Variants in BRDT observed in about 807,000 individuals in gnomAD.
The protein encoded by BRDT is bromodomain testis-specific protein.
Under a neutral mutation model 113.9 loss-of-function variants are expected in BRDT, and 77 were observed. The observed-to-expected ratio is 0.68, with a 90% CI of 0.56 to 0.82. BRDT has a LOEUF of 0.82. Ranked by LOEUF, BRDT falls within the 40% of genes least tolerant of loss-of-function variation. The pLI, the probability that BRDT is intolerant of heterozygous loss-of-function variation, is 0.00. For synonymous variants in BRDT, 358 were observed against 366.5 expected (o/e 0.98, Z 0.26); for missense variants, 1,027 against 1,105.4 (o/e 0.93, Z 1.01).
At chr1:92,007,214 G>C (rs75071996) in intron 18 of BRDT, among the ~76,000 whole-genome samples, 1 of 150,704 alleles carries the variant, frequency 6.6e-6, no homozygotes, top group Non-Finnish European at 1.5e-5. Flanking sequence ...TTTTCTGCCC[G>C]TTTTTGTATT....
intron 1 of BRDT, among the ~76,000 whole-genome samples, chr1:91,959,024 G>A (rs1254914072): frequency 6.6e-6 from 1 of 152,092 alleles, no homozygotes; most frequent in Non-Finnish European, 1.5e-5. Context: ...ACTCCAGCCT[G>A]GGAGACAGTA....
Position 92,012,289 on chromosome 1 carries a change from C to T in BRDT, c.2776-1917C>T, listed in dbSNP as rs1262103598. Among the ~76,000 whole-genome samples the T allele has an allele frequency of 2.8e-5, 4 of 144,074 alleles. No homozygotes were observed. In the East Asian group the frequency reaches 6.0e-4, roughly 22 times the overall value. 94.5% of individuals were successfully genotyped at this position (144,074 alleles called of 152,430 possible). On this transcript the variant is annotated intron_variant, in intron 18 of 18. Transcript: ENST00000399546. ...TCCAGCCTGGGCAACAAGAGCAAAACTCCATCTAGAAAAAAAAAAAAAAAA... is the reference window on the plus strand; with the variant it reads ...TCCAGCCTGGGCAACAAGAGCAAAATTCCATCTAGAAAAAAAAAAAAAAAA...
chr1:91,980,505 A>T, intron 8 of BRDT, 138 bp from the exon 9 acceptor site: 2 of 736,740 alleles, frequency 2.7e-6, no homozygotes, highest in Non-Finnish European at 3.9e-6. Flanking sequence ...TTGTGAAATT[A>T]AATAAAAACT....
intron 1 of BRDT, among the ~76,000 whole-genome samples, chr1:91,953,180 A>T (rs17131587): frequency 0.066 from 9,982 of 151,246 alleles, 387 homozygotes; most frequent in African/African-American, 0.094. Flanking sequence ...GTTTGCAGAA[A>T]CTATTTTCTC....
At position 91,977,212 on chromosome 1, in the gene BRDT, T is replaced by C; in HGVS notation, c.788T>C (p.Val263Ala). The C allele has an allele frequency of 1.2e-6, 2 of 1,614,036 alleles. No individual in the cohort carries two copies. Among genetic ancestry groups the C allele is most frequent in the Non-Finnish European group, 1.7e-6 (2 of 1,179,974 alleles). The stretch of plus-strand genomic sequence containing the variant: ...CCAGATTCTCAGCAACAATATAATG[T>C]TGTGAAGACTGTTAAAGTAACTGAA... ...VLPDSQQQYN[V>A]VKTVKVTEQL... The change falls in exon 6 of 19, where the codon GTT becomes GCT. Residue 263 changes from valine (V) to alanine (A), a missense_variant. By Grantham distance (64) the Val-to-Ala change is moderately conservative. Coordinates refer to ENST00000399546, the MANE Select transcript of BRDT (RefSeq NM_207189.4).
At position 91,981,089 on chromosome 1, in the gene BRDT, T is replaced by G; in HGVS notation, c.1661T>G (p.Ile554Arg). 1.2e-6 allele frequency: 2 copies of G among 1,614,068 alleles called. No individual in the cohort carries two copies. The highest frequency in any genetic ancestry group is 1.7e-6 in the Non-Finnish European group (2 of 1,179,964). ...LSNSNPDEIE[I>R]DFETLKASTL... ...AATTCCAATCCTGATGAGATAGAGATAGACTTTGAAACACTGAAAGCATCA... is the reference window on the plus strand; with the variant it reads ...AATTCCAATCCTGATGAGATAGAGAGAGACTTTGAAACACTGAAAGCATCA... Residue 554 changes from isoleucine to arginine, a missense_variant, in exon 10 of 19, where the codon ATA becomes AGA. Coordinates refer to ENST00000399546, the MANE Select transcript of BRDT (RefSeq NM_207189.4).
At position 91,977,052 on chromosome 1, in the gene BRDT, G is replaced by C; in HGVS notation, c.628G>C (p.Gly210Arg). The stretch of plus-strand genomic sequence containing the variant: ...AATTGTTCTGTTGTAGGTTACAAAA[G>C]GTGTGAAGAGGAAAGCAGATACAAC... ...SSQTAAQVTK[G>R]VKRKADTTTP... The change falls in exon 6 of 19, where the codon GGT becomes CGT. Residue 210 changes from glycine to arginine, a missense_variant. By Grantham distance (125) the Gly-to-Arg change is moderately radical. Coordinates refer to ENST00000399546, the MANE Select transcript of BRDT (RefSeq NM_207189.4). The C allele has an allele frequency of 6.3e-7, 1 of 1,598,150 alleles. No homozygotes were observed. Among genetic ancestry groups the C allele is most frequent in the Non-Finnish European group, 8.5e-7 (1 of 1,172,972 alleles).
chr1:91,978,350 G>T, intron 7 of BRDT, 54 bp downstream of exon 7: 1 of 1,586,878 alleles, frequency 6.3e-7, no homozygotes, highest in South Asian at 1.1e-5. Context: ...TAGTTGAAAC[G>T]TTTTTTAGAA....
At chr1:92,008,555 G>A (rs1050907492) in intron 18 of BRDT, among the ~76,000 whole-genome samples, 9 of 152,120 alleles carry the variant, frequency 5.9e-5, no homozygotes, top group East Asian at 1.9e-4. Flanking sequence ...TTCATTCTTC[G>A]TGTTGTACTT....
In BRDT at chr1:92,009,545, C is replaced by CTTTTTTTTTT. The variant is rs59044630; in HGVS notation, c.2775+4256_2775+4265dup. ...TGTTTGCAGGTTTTTCAACTTGCCA[C>CTTTTTTTTTT]TTTTTTTTTTTTTTTTTTTCTCTTG... is the stretch of plus-strand genomic sequence containing the variant. On this transcript the variant is annotated intron_variant, in intron 18 of 18. Transcript: ENST00000399546. Among the ~76,000 whole-genome samples the CTTTTTTTTTT allele has an allele frequency of 6.5e-4, 67 of 103,370 alleles. 1 individual carries two copies. The highest frequency in any genetic ancestry group is 8.1e-4 in the Non-Finnish European group (45 of 55,334). The allele number at this position is 103,370 out of a possible 152,430, so 67.8% of individuals were successfully genotyped here.
Position 91,981,728 on chromosome 1 carries a change from T to C in BRDT, c.1975T>C (p.Ser659Pro), listed in dbSNP as rs1684753842. 6.2e-7 allele frequency: 1 copy of C among 1,613,780 alleles called. No individual in the cohort carries two copies. Among genetic ancestry groups the C allele is most frequent in the African/African-American group, 1.3e-5 (1 of 74,922 alleles). Residue 659 changes from serine to proline, a missense_variant, in exon 12 of 19, where the codon TCT (serine) becomes CCT (proline). Physicochemically the swap from Ser to Pro is moderately conservative, Grantham distance 74 (BLOSUM62 -1). Coordinates refer to ENST00000399546, the MANE Select transcript of BRDT (RefSeq NM_207189.4). Reference protein sequence around the residue: ...ESESSSSDLSSSDSSDSESEM... With the variant: ...ESESSSSDLSPSDSSDSESEM... ...TGAAAGTAGCAGCAGTGACTTAAGC[T>C]CTTCAGACAGCAGTGATTCTGAATC...
intron 1 of BRDT, among the ~76,000 whole-genome samples, chr1:91,958,963 C>T (rs1006993224): frequency 1.3e-5 from 2 of 151,948 alleles, no homozygotes; most frequent in African/African-American, 4.8e-5. Context: ...GTGGGAGAGT[C>T]GTTTGAGCCC....
chr1:91,976,435 C>T lies in BRDT; in HGVS notation c.615C>T (p.Ala205=). 1 of 1,539,892 alleles carries T rather than the reference C, an allele frequency of 6.5e-7. No homozygotes were observed. The highest frequency in any genetic ancestry group is 1.3e-5 in the South Asian group (1 of 78,326). Residue 205 remains alanine (A), a synonymous_variant, in exon 5 of 19, where the codon GCC becomes GCT. Coordinates refer to ENST00000399546, the MANE Select transcript of BRDT (RefSeq NM_207189.4). The part of the protein sequence containing the change: ...ASVNSSSQTA[A]QVTKGVKRKA... The stretch of plus-strand genomic sequence containing the variant: ...TCAACTCCAGTTCACAAACTGCGGC[C>T]CAAGTAAGTTTGTTGTAGTTTTTAA...
intron 8 of BRDT, among the ~76,000 whole-genome samples, chr1:91,980,136 G>A (rs1465006307): frequency 6.6e-6 from 1 of 152,280 alleles, no homozygotes; most frequent in Admixed American, 6.5e-5. Flanking sequence ...ACCAGGCACC[G>A]TGGCTCACGC....
intron 1 of BRDT, among the ~76,000 whole-genome samples, chr1:91,959,484 CCTG>C (rs1682187153): frequency 6.7e-6 from 1 of 150,066 alleles, no homozygotes; most frequent in East Asian, 1.9e-4. Flanking sequence ...GTCTTGAACT[CCTG>C]AGCTCTTTTT....
At position 92,005,227 on chromosome 1, in the gene BRDT, A is replaced by G. The variant is rs372847272; in HGVS notation, c.2703A>G (p.Lys901=). The G allele has an allele frequency of 6.3e-7, 1 of 1,594,238 alleles. No homozygotes were observed. The highest frequency in any genetic ancestry group is 8.5e-7 in the Non-Finnish European group (1 of 1,171,942). The change falls in exon 18 of 19, where the codon AAA becomes AAG. Residue 901 remains lysine (K), a synonymous_variant. Coordinates refer to ENST00000399546, the MANE Select transcript of BRDT (RefSeq NM_207189.4). ...EHQQSSEAQD[K]SKLWLLKDRD... ...AGCAGTCATCAGAAGCTCAAGATAA[A>G]TCCAAACTCTGGCTTCTCAAAGACC...
At chr1:91,978,672 G>GA (rs1684387724) in intron 7 of BRDT, among the ~76,000 whole-genome samples, 1 of 152,084 alleles carries the variant, frequency 6.6e-6, no homozygotes, top group South Asian at 2.1e-4. Flanking sequence ...GCAGGTAATA[G>GA]AATGATCTAC....
rs1221407594 is a variant in BRDT, at chr1:91,964,622, C to T, written c.193-5C>T. The T allele has an allele frequency of 6.6e-6, 9 of 1,361,292 alleles. No individual in the cohort carries two copies. The highest frequency in any genetic ancestry group is 9.0e-6 in the Non-Finnish European group (9 of 998,248). 84.3% of individuals were successfully genotyped at this position (1,361,292 alleles called of 1,614,324 possible). ...CTAACATTTAGAATTTGTTCAAAAC[C>T]ATAGGATTATTATACCATTATAAAA... On this transcript the variant is annotated splice_polypyrimidine_tract_variant and splice_region_variant and intron_variant, in intron 2 of 18. Coordinates refer to ENST00000399546, the MANE Select transcript of BRDT (RefSeq NM_207189.4).
At chr1:92,004,053 T>A (rs1206281620) in intron 16 of BRDT, among the ~76,000 whole-genome samples, 1 of 152,170 alleles carries the variant, frequency 6.6e-6, no homozygotes, top group Non-Finnish European at 1.5e-5. Context: ...ATTAATCCTT[T>A]GAGCATTTTC....
Sources: gnomAD v4.1 joint callset for allele counts (sites outside exome capture counted in the v4.1 genomes callset) on GRCh38, gnomAD v4.1.1 for gene constraint, MANE v1.5 for transcripts, NCBI Gene and HGNC (gene_info 2026-07-23, HGNC 2026-07-21) for gene names.